Variants in PASD1 observed in about 807,000 individuals in gnomAD.
PASD1 encodes circadian clock protein PASD1.
PASD1 carries 13 observed loss-of-function variants against 58.8 expected under a neutral mutation model. That is an observed-to-expected ratio of 0.22 (90% CI 0.14 to 0.35). The LOEUF (loss-of-function observed/expected upper bound fraction) is 0.35. Among genes scored for constraint, PASD1 ranks in the 10% least tolerant of loss-of-function variants. The pLI is 1.00. For missense variants in PASD1, 734 were observed against 568.3 expected (o/e 1.29, Z -2.96); for synonymous variants, 236 against 216.7 (o/e 1.09, Z -0.78).
rs1244276159 is a variant in PASD1 at position 151,569,133 on chromosome X, C to T, written c.-28+5294C>T. Among the ~76,000 whole-genome samples the T allele has an allele frequency of 2.7e-5, 3 of 111,471 alleles. 1 individual carries two copies. The highest frequency in any genetic ancestry group is 5.6e-5 in the Non-Finnish European group (3 of 53,271). On this transcript the variant is annotated intron_variant, in intron 1 of 15. Transcript: ENST00000370357. ...ATTTTGTTGGCTTGCTCTCCTCTAA[C>T]TTTAGGTCTCCCAGTTGGGAGAATG...
chrX:151,603,047 C>T (rs1016187461), intron 2 of PASD1, among the ~76,000 whole-genome samples: 1 of 112,405 alleles, frequency 8.9e-6, no homozygotes, highest in African/African-American at 3.2e-5. Context: ...CTTGATCACC[C>T]GATCTTACGA....
In PASD1 at chrX:151,665,718, C is replaced by T. The variant is rs182395792; in HGVS notation, c.1071+1370C>T. 1.6e-4 allele frequency among the ~76,000 whole-genome samples: 18 copies of T among 110,997 alleles called. No homozygotes were observed. In the East Asian group the frequency reaches 4.0e-3, roughly 25 times the overall value. Reference sequence around the variant, plus strand: ...TCAAAATAGCAAGTCCTCTCTCCTTCGATGGAGTGGTGAGAGTCAATGCTT... The same window carrying T: ...TCAAAATAGCAAGTCCTCTCTCCTTTGATGGAGTGGTGAGAGTCAATGCTT... On this transcript the variant is annotated intron_variant, in intron 11 of 15. Transcript: ENST00000370357.
chrX:151,657,932 C>G (rs2014267010), intron 9 of PASD1, among the ~76,000 whole-genome samples: 1 of 110,385 alleles, frequency 9.1e-6, no homozygotes, highest in South Asian at 3.9e-4. Context: ...ATGGCCTTTC[C>G]CCCACCACTT....
At chrX:151,641,394 G>A in intron 8 of PASD1, among the ~76,000 whole-genome samples, 1 of 111,570 alleles carries the variant, frequency 9.0e-6, no homozygotes, top group Non-Finnish European at 1.9e-5. Flanking sequence ...AGATAAAAGG[G>A]ACCTCATGTT....
At chrX:151,575,209 A>G (rs773224819) in intron 1 of PASD1, among the ~76,000 whole-genome samples, 1 of 54,571 alleles carries the variant, frequency 1.8e-5, no homozygotes, top group Non-Finnish European at 3.7e-5. Flanking sequence ...GTTTAAGACC[A>G]TTTTTTTTTT....
intron 9 of PASD1, among the ~76,000 whole-genome samples, chrX:151,657,837 G>A (rs1226195434): frequency 1.2e-4 from 1 of 8,345 alleles, no homozygotes; most frequent in East Asian, 7.9e-3. Flanking sequence ...TTTTTTTGGA[G>A]GGTTTTTTTT....
chrX:151,630,615 A>C (rs1172044069), intron 8 of PASD1, among the ~76,000 whole-genome samples: 2 of 112,110 alleles, frequency 1.8e-5, no homozygotes, highest in African/African-American at 6.5e-5. Flanking sequence ...TCTGGCTTCC[A>C]TTTTACCCTC....
At chrX:151,610,954 C>T (rs1474554442) in intron 3 of PASD1, among the ~76,000 whole-genome samples, 1 of 111,342 alleles carries the variant, frequency 9.0e-6, no homozygotes, top group Non-Finnish European at 1.9e-5. Flanking sequence ...GGAGACCTGG[C>T]TTTGTACTGT....
intron 4 of PASD1, among the ~76,000 whole-genome samples, chrX:151,615,047 G>A (rs4560928): frequency 0.37 from 41,276 of 110,316 alleles, 5,805 homozygotes; most frequent in African/African-American, 0.41. Context: ...TATTAAAAGA[G>A]GGAATGTACG....
chrX:151,579,703 G>A (rs1231188276), intron 1 of PASD1, among the ~76,000 whole-genome samples: 1 of 111,876 alleles, frequency 8.9e-6, no homozygotes, highest in Non-Finnish European at 1.9e-5. Flanking sequence ...GAAGATGGGA[G>A]GTGTGGAGGA....
chrX:151,675,468 A>G (rs1378293184), intron 15 of PASD1, among the ~76,000 whole-genome samples: 1 of 111,960 alleles, frequency 8.9e-6, no homozygotes, highest in Non-Finnish European at 1.9e-5. Flanking sequence ...GAAACCTTGC[A>G]TCACTTTGCA....
At chrX:151,588,487 A>G (rs1346617415) in intron 1 of PASD1, among the ~76,000 whole-genome samples, 1 of 111,615 alleles carries the variant, frequency 9.0e-6, no homozygotes, top group African/African-American at 3.3e-5. Context: ...TCTGGCCATT[A>G]CTGCACTGGG....
chrX:151,672,560 A>C lies in PASD1; in HGVS notation c.1815A>C (p.Leu605Phe). The C allele has an allele frequency of 8.3e-7, 1 of 1,212,093 alleles. No individual in the cohort carries two copies. The highest frequency in any genetic ancestry group is 1.8e-5 in the South Asian group (1 of 56,986). Residue 605 changes from leucine to phenylalanine, a missense_variant, in exon 14 of 16, where the codon TTA (leucine) becomes TTC (phenylalanine). By Grantham distance (22) the Leu-to-Phe change is conservative. Transcript: ENST00000370357. ...TCTGCAATCACCCTGTTAGATTTTT[A>C]CAGGCCCAACCCATTGTTCCTGTCC... ...VPLCNHPVRF[L>F]QAQPIVPVQR...
At chrX:151,613,281 G>A (rs970253590) in intron 4 of PASD1, among the ~76,000 whole-genome samples, 26 of 110,825 alleles carry the variant, frequency 2.3e-4, no homozygotes, top group African/African-American at 8.3e-4. Flanking sequence ...TTTTGGCTTA[G>A]GATTGACTTG....
At chrX:151,578,418 C>T (rs944238904) in intron 1 of PASD1, 8 of 111,896 alleles carry the variant, frequency 7.1e-5, no homozygotes, top group African/African-American at 2.3e-4. Context: ...ATAATATTGA[C>T]CAGCTATTTC....
At chrX:151,627,531 G>A (rs1196073099) in intron 8 of PASD1, among the ~76,000 whole-genome samples, 2 of 111,619 alleles carry the variant, frequency 1.8e-5, no homozygotes, top group Non-Finnish European at 3.8e-5. Context: ...CAAAGGACAT[G>A]AACACATCTT....
Position 151,626,981 on chromosome X carries a change from G to A in PASD1, c.629+1451G>A, listed in dbSNP as rs1248988797. Among the ~76,000 whole-genome samples, 16 of 111,681 alleles carry A rather than the reference G, an allele frequency of 1.4e-4. No individual in the cohort carries two copies. In the Admixed American group the frequency reaches 1.5e-3, roughly 11 times the overall value. ...GATGCTACACACAGAGCAGTGGGAT[G>A]AGAAACAGAACTCATGGTGGCTAGC... On this transcript the variant is annotated intron_variant, in intron 8 of 15. Transcript: ENST00000370357.
chrX:151,567,089 T>TAAATAAATAAAAA, intron 1 of PASD1, among the ~76,000 whole-genome samples: 1 of 100,233 alleles, frequency 1.0e-5, no homozygotes, highest in South Asian at 4.2e-4. Context: ...AATAAATAAA[T>TAAATAAATAAAAA]AAATAAAATA....
intron 1 of PASD1, among the ~76,000 whole-genome samples, chrX:151,580,871 G>A (rs1183613108): frequency 9.0e-6 from 1 of 110,805 alleles, no homozygotes; most frequent in African/African-American, 3.3e-5. Context: ...TTTTGAATGA[G>A]TATTTTACCA....
Sources: gnomAD v4.1 joint callset for allele counts (sites outside exome capture counted in the v4.1 genomes callset) on GRCh38, gnomAD v4.1.1 for gene constraint, MANE v1.5 for transcripts, NCBI Gene and HGNC (gene_info 2026-07-23, HGNC 2026-07-21) for gene names.